The following CTDP1 variants were observed in gnomAD, a reference collection of about 807,000 sequenced individuals.
CTDP1 encodes CTD phosphatase 1, also known as RNA polymerase II subunit A C-terminal domain phosphatase.
In CTDP1, 47 loss-of-function variants were observed where a neutral mutation model predicts 91.8. The ratio of observed to expected loss-of-function variants is 0.51; its 90% CI spans 0.41 to 0.65. CTDP1 has a LOEUF of 0.65. Ranked by LOEUF, CTDP1 falls within the 30% of genes least tolerant of loss-of-function variation. The pLI is 0.00. For missense variants in CTDP1, 1,272 were observed against 1,373.7 expected, an observed-to-expected ratio of 0.93 and a Z score of 1.17; for synonymous variants, 656 against 598.5, an observed-to-expected ratio of 1.10 and a Z score of -1.40.
chr18:79,678,310 A>C (rs1401584235), upstream of CTDP1: 1 of 152,250 alleles, frequency 6.6e-6, no homozygotes, highest in Non-Finnish European at 1.5e-5. Flanking sequence ...CGCCACAAAC[A>C]GCTATAAATT....
At chr18:79,737,590 G>A (rs1179872856) in intron 12 of CTDP1, among the ~76,000 whole-genome samples, 1 of 152,072 alleles carries the variant, frequency 6.6e-6, no homozygotes, top group Non-Finnish European at 1.5e-5. Flanking sequence ...GTTGGTCGAT[G>A]AACAGGCATG....
In CTDP1 at chr18:79,753,719, G is replaced by C; in HGVS notation, c.2815G>C (p.Asp939His). ...GTCCAGCAGGGAGTCCAGCAACGAG[G>C]ATGAGGGCAGCAGCTCCGAGGCCGA... ...SESSRESSNE[D>H]EGSSSEADEM... The change falls in exon 13 of 13, where the codon GAT (aspartate) becomes CAT (histidine). Residue 939 changes from aspartate (D) to histidine (H), a missense_variant. Physicochemically the swap from Asp to His is moderately conservative, Grantham distance 81. Transcript: ENST00000613122. The C allele has an allele frequency of 2.5e-6, 4 of 1,614,116 alleles. No homozygotes were observed. In the East Asian group the frequency reaches 8.9e-5, roughly 36 times the overall value.
chr18:79,710,912 G>A (rs2086070100), intron 6 of CTDP1, among the ~76,000 whole-genome samples: 2 of 151,910 alleles, frequency 1.3e-5, no homozygotes, highest in African/African-American at 4.8e-5. Flanking sequence ...TTCATTGTTA[G>A]CCTCAGAATA....
At chr18:79,715,711 T>G (rs1052177689) in intron 8 of CTDP1, among the ~76,000 whole-genome samples, 183 bp downstream of exon 8, 1 of 152,256 alleles carries the variant, frequency 6.6e-6, no homozygotes, top group African/African-American at 2.4e-5. Context: ...GTTCATGCTT[T>G]CAGACCGCAG....
intron 10 of CTDP1, among the ~76,000 whole-genome samples, chr18:79,720,751 A>G (rs2086328356): frequency 6.6e-6 from 1 of 152,110 alleles, no homozygotes; most frequent in Non-Finnish European, 1.5e-5. Flanking sequence ...GCAGGTGCCT[A>G]AAGTTCAGTT....
In CTDP1 at chr18:79,750,423, A is replaced by T. The variant is rs149560607; in HGVS notation, c.2748-3229A>T. The stretch of plus-strand genomic sequence containing the variant: ...TTTCTCAGTAGAAAATATTCATTCC[A>T]GTTGACATAAAAATAAATTCGTTTA... On this transcript the variant is annotated intron_variant, in intron 12 of 12. Coordinates refer to ENST00000613122, the MANE Select transcript of CTDP1 (RefSeq NM_004715.5). 1.8e-3 allele frequency among the ~76,000 whole-genome samples: 274 copies of T among 152,188 alleles called. 1 individual carries two copies. The highest frequency in any genetic ancestry group is 0.017 in the Middle Eastern group (5 of 294).
chr18:79,703,236 T>A (rs1176901367), intron 4 of CTDP1: 2 of 152,264 alleles, frequency 1.3e-5, no homozygotes, highest in Non-Finnish European at 2.9e-5. Context: ...TTACTAGAAC[T>A]TCTCACTCCT....
At chr18:79,739,035 A>G (rs2122804530) in intron 12 of CTDP1, among the ~76,000 whole-genome samples, 1 of 152,300 alleles carries the variant, frequency 6.6e-6, no homozygotes, top group East Asian at 1.9e-4. Context: ...AAGGCGGTGC[A>G]CTGGGGGCCT....
At chr18:79,755,284 C>G (rs931027687), downstream of CTDP1, 4 of 152,166 alleles carry the variant, frequency 2.6e-5, no homozygotes, top group African/African-American at 9.7e-5. Context: ...GCTTCACCAC[C>G]CAACCCACCT....
At chr18:79,693,694 GA>G (rs760629630) in intron 1 of CTDP1, among the ~76,000 whole-genome samples, 2 of 152,130 alleles carry the variant, frequency 1.3e-5, no homozygotes, top group Non-Finnish European at 2.9e-5. Context: ...CGAGGGCTCG[GA>G]GCCCCGCACC....
chr18:79,748,571 C>T (rs1406796542), intron 12 of CTDP1, among the ~76,000 whole-genome samples: 1 of 152,212 alleles, frequency 6.6e-6, no homozygotes, highest in Non-Finnish European at 1.5e-5. Context: ...GGTCCAGGCC[C>T]CTGCTGTGAG....
intron 10 of CTDP1, among the ~76,000 whole-genome samples, chr18:79,723,035 C>T (rs945581769): frequency 2.6e-5 from 4 of 152,208 alleles, no homozygotes; most frequent in African/African-American, 4.8e-5. Context: ...GACCTGTGTC[C>T]GCAATGCCAC....
intron 12 of CTDP1, among the ~76,000 whole-genome samples, chr18:79,746,298 T>C (rs56190924): frequency 0.041 from 967 of 23,632 alleles, 105 homozygotes; most frequent in African/African-American, 0.087. Flanking sequence ...GTTCTGTCCC[T>C]GCGTCCCTCC....
intron 12 of CTDP1, among the ~76,000 whole-genome samples, chr18:79,740,249 C>T (rs1279614668): frequency 6.6e-6 from 1 of 152,184 alleles, no homozygotes; most frequent in Non-Finnish European, 1.5e-5. Flanking sequence ...CTGCCGTTTG[C>T]GGATCGCTGT....
chr18:79,713,018 C>A lies in CTDP1; in HGVS notation c.910C>A (p.Arg304=), dbSNP rs537176904. 4.3e-6 allele frequency: 7 copies of A among 1,614,058 alleles called. No homozygotes were observed. In the East Asian group the frequency reaches 1.3e-4, roughly 31 times the overall value. The change falls in exon 7 of 13, where the codon CGA becomes AGA. Residue 304 remains arginine, a synonymous_variant. Transcript: ENST00000613122. This position sits in a 1 kb window ranked among gnomAD's most constrained non-coding sequence, Gnocchi z 4.7. ...CTCAATGGTTTGCATTATTGATGAT[C>A]GAGAAGATGTCTGGAAGTTTGCCCC... The part of the protein sequence containing the change: ...GDSMVCIIDD[R]EDVWKFAPNL...
intron 12 of CTDP1, among the ~76,000 whole-genome samples, chr18:79,744,564 G>A (rs1184696045): frequency 2.6e-5 from 4 of 152,192 alleles, no homozygotes; most frequent in East Asian, 3.9e-4. Context: ...GGAGTGTTCC[G>A]CTAATATCAG....
chr18:79,713,614 G>A lies in CTDP1; in HGVS notation c.1030+476G>A, dbSNP rs924246975. Among the ~76,000 whole-genome samples the A allele has an allele frequency of 2.6e-5, 4 of 152,238 alleles. No homozygotes were observed. Among genetic ancestry groups the A allele is most frequent in the African/African-American group, 4.8e-5 (2 of 41,466 alleles). ...GGCATGCAGCTGACGTCCACCCTAC[G>A]AAAGTTAAGTGTTTTTTGATCTTTA... On this transcript the variant is annotated intron_variant, in intron 7 of 12. Transcript: ENST00000613122. This position sits in a 1 kb window ranked among gnomAD's most constrained non-coding sequence, Gnocchi z 4.7.
At chr18:79,681,082 A>T (rs1308892431) in intron 1 of CTDP1, 4 of 152,298 alleles carry the variant, frequency 2.6e-5, no homozygotes, top group Non-Finnish European at 5.9e-5. Context: ...CCTTCTGGGG[A>T]TGCCACTCTC....
intron 11 of CTDP1, among the ~76,000 whole-genome samples, chr18:79,734,056 G>T (rs536340182): frequency 4.6e-5 from 7 of 152,304 alleles, no homozygotes; most frequent in Non-Finnish European, 1.0e-4. Context: ...ACTTTACAAT[G>T]ATGTGCAAGT....
Sources: allele counts gnomAD v4.1 joint callset (sites outside exome capture counted in the v4.1 genomes callset), GRCh38; gene constraint gnomAD v4.1.1; non-coding constraint Gnocchi (gnomAD v3.1); transcripts MANE v1.5; gene names NCBI Gene and HGNC (gene_info 2026-07-23, HGNC 2026-07-21).